The following NELL1 variants were observed in gnomAD, a reference collection of about 807,000 sequenced individuals.
NELL1 encodes protein kinase C-binding protein NELL1.
Under a neutral mutation model 107.4 loss-of-function variants are expected in NELL1, and 76 were observed. The observed-to-expected ratio is 0.71, with a 90% CI of 0.59 to 0.86. The LOEUF is 0.86. NELL1 is among the 40% of genes least tolerant of loss of function. The pLI is 0.00. For missense variants in NELL1, 1,024 were observed against 1,005.5 expected, an observed-to-expected ratio of 1.02 and a Z score of -0.25; for synonymous variants, 353 against 341.2, an observed-to-expected ratio of 1.03 and a Z score of -0.38.
At chr11:21,063,269 G>T (rs76882177) in intron 12 of NELL1, among the ~76,000 whole-genome samples, 7,304 of 152,224 alleles carry the variant, frequency 0.048, 223 homozygotes, top group East Asian at 0.12. Flanking sequence ...GAATCAGGGC[G>T]CATCAACCTC....
chr11:21,458,257 C>T (rs973314595), intron 15 of NELL1, among the ~76,000 whole-genome samples: 1 of 150,858 alleles, frequency 6.6e-6, no homozygotes, highest in African/African-American at 2.4e-5. Context: ...CTCTTTCATA[C>T]ACAGCTAGTG....
chr11:20,952,352 G>A (rs1158785368), intron 11 of NELL1, among the ~76,000 whole-genome samples: 1 of 152,152 alleles, frequency 6.6e-6, no homozygotes, highest in Non-Finnish European at 1.5e-5. Context: ...GAAATTAGTT[G>A]AGATTATTTG....
intron 3 of NELL1, among the ~76,000 whole-genome samples, chr11:20,807,220 G>A (rs1337569335): frequency 2.6e-5 from 4 of 152,174 alleles, no homozygotes; most frequent in Non-Finnish European, 5.9e-5. Context: ...GGACTTGGGT[G>A]TTGTGATCTA....
intron 4 of NELL1, among the ~76,000 whole-genome samples, chr11:20,857,129 G>A (rs1848896674): frequency 6.6e-6 from 1 of 152,212 alleles, no homozygotes; most frequent in African/African-American, 2.4e-5. Flanking sequence ...CAGAGGGAGA[G>A]AGGGAAGCTG....
At chr11:20,898,529 C>A (rs910855263) in intron 5 of NELL1, among the ~76,000 whole-genome samples, 1 of 151,504 alleles carries the variant, frequency 6.6e-6, no homozygotes, top group Non-Finnish European at 1.5e-5. Flanking sequence ...ATGTAACAAA[C>A]CTGCACATTG....
intron 14 of NELL1, among the ~76,000 whole-genome samples, chr11:21,231,056 T>C (rs568520827): frequency 7.2e-4 from 110 of 152,180 alleles, no homozygotes; most frequent in Non-Finnish European, 1.4e-3. Flanking sequence ...TAGAGCAGAA[T>C]GCTATGGTTT....
chr11:21,281,458 C>A (rs1358519605), intron 14 of NELL1, among the ~76,000 whole-genome samples: 1 of 152,126 alleles, frequency 6.6e-6, no homozygotes, highest in Non-Finnish European at 1.5e-5. Context: ...CACCTCTGTA[C>A]CCAACCAGGG....
chr11:21,293,408 G>C (rs1024922971), intron 14 of NELL1, among the ~76,000 whole-genome samples: 1 of 152,052 alleles, frequency 6.6e-6, no homozygotes, highest in African/African-American at 2.4e-5. Context: ...TTACAATGAC[G>C]ATCATTAAAA....
chr11:21,364,691 A>G (rs1851174357), intron 14 of NELL1, among the ~76,000 whole-genome samples: 1 of 152,172 alleles, frequency 6.6e-6, no homozygotes, highest in Admixed American at 6.5e-5. Flanking sequence ...ATTCTTCTAA[A>G]GTTAGCAATG....
At chr11:21,335,092 C>G (rs565509412) in intron 14 of NELL1, among the ~76,000 whole-genome samples, 8 of 152,104 alleles carry the variant, frequency 5.3e-5, no homozygotes, top group African/African-American at 1.9e-4. Flanking sequence ...AAAAAGACCA[C>G]TTATTACCCT....
At chr11:20,851,800 C>T (rs1425937844) in intron 4 of NELL1, among the ~76,000 whole-genome samples, 1 of 152,208 alleles carries the variant, frequency 6.6e-6, no homozygotes, top group Non-Finnish European at 1.5e-5. Flanking sequence ...TTCATTTAGT[C>T]ATTTTAACTT....
intron 15 of NELL1, among the ~76,000 whole-genome samples, chr11:21,478,198 A>G (rs573854330): frequency 3.0e-4 from 46 of 152,268 alleles, no homozygotes; most frequent in African/African-American, 1.1e-3. Context: ...ATCTCCTGAT[A>G]AATCCCTCAC....
intron 12 of NELL1, among the ~76,000 whole-genome samples, chr11:21,094,880 A>G (rs1326409198): frequency 2.0e-5 from 3 of 152,184 alleles, no homozygotes; most frequent in African/African-American, 7.2e-5. Context: ...CCCTGGAGAT[A>G]TTCTCCCCAT....
chr11:21,280,365 C>T (rs1848965458), intron 14 of NELL1, among the ~76,000 whole-genome samples: 2 of 152,120 alleles, frequency 1.3e-5, no homozygotes, highest in Admixed American at 6.5e-5. Flanking sequence ...TCATAAGAAC[C>T]AAAAATCAGG....
Position 21,560,196 on chromosome 11 carries a change from T to C in NELL1, c.1794T>C (p.Asp598=), listed in dbSNP as rs146319562. 5 of 1,613,636 alleles carry C rather than the reference T, an allele frequency of 3.1e-6. No homozygotes were observed. The African/African-American group carries it at 5.3e-5, about 17-fold the overall frequency. ...GTGCTTCCTATATTGCAGACATTGA[T>C]GAATGTGCCTTAAGAACTCACACCT... ...SLSGESCIDI[D]ECALRTHTCW... The change falls in exon 17 of 20, where the codon GAT becomes GAC. Residue 598 remains aspartate (D), a synonymous_variant. Transcript: ENST00000357134.
chr11:21,305,578 G>A (rs1011133218), intron 14 of NELL1, among the ~76,000 whole-genome samples: 11 of 151,860 alleles, frequency 7.2e-5, no homozygotes, highest in Admixed American at 6.6e-4. Flanking sequence ...ATGCTACAAG[G>A]CGATGTTGTG....
At chr11:21,060,343 A>G (rs1475739854) in intron 12 of NELL1, among the ~76,000 whole-genome samples, 3 of 152,202 alleles carry the variant, frequency 2.0e-5, no homozygotes, top group Non-Finnish European at 4.4e-5. Flanking sequence ...AAATCAAACT[A>G]TGCATGTTAA....
chr11:21,132,779 G>A (rs1285890167), intron 13 of NELL1, among the ~76,000 whole-genome samples: 1 of 152,084 alleles, frequency 6.6e-6, no homozygotes, highest in African/African-American at 2.4e-5. Context: ...GCAGTGGGGT[G>A]GGGGAGGGGA....
chr11:21,357,889 C>T (rs552533139), intron 14 of NELL1, among the ~76,000 whole-genome samples: 2 of 152,090 alleles, frequency 1.3e-5, no homozygotes, highest in African/African-American at 2.4e-5. Context: ...CAGCACCATT[C>T]GTTGAATAGG....
Sources: gnomAD v4.1 joint callset for allele counts (sites outside exome capture counted in the v4.1 genomes callset) on GRCh38, gnomAD v4.1.1 for gene constraint, MANE v1.5 for transcripts, NCBI Gene and HGNC (gene_info 2026-07-23, HGNC 2026-07-21) for gene names.